RANBP6: variants seen among roughly 807,000 people sequenced by gnomAD.
RANBP6 encodes ran-binding protein 6.
A neutral mutation model predicts 35.3 loss-of-function variants in RANBP6; 10 were observed. The observed-to-expected ratio is 0.28, with a 90% CI of 0.17 to 0.48. The LOEUF (loss-of-function observed/expected upper bound fraction) is 0.48. Among genes scored for constraint, RANBP6 ranks in the 20% least tolerant of loss-of-function variants. The pLI is 0.99. For synonymous variants in RANBP6, 514 were observed against 464.2 expected, an observed-to-expected ratio of 1.11 and a Z score of -1.38; for missense variants, 1,392 against 1,307.7, an observed-to-expected ratio of 1.06 and a Z score of -0.99.
chr9:6,014,904 T>G lies in RANBP6; in HGVS notation c.704A>C (p.Asp235Ala). The part of the protein sequence containing the change: ...LLPGILQAVN[D>A]SCYQDDDSVL... The stretch of plus-strand genomic sequence containing the variant: ...TGAATCATCATCCTGGTAGCATGAG[T>G]CATTCACAGCCTGTAAGATTCCAGG... The change falls in exon 1 of 1, where the codon GAC (aspartate) becomes GCC (alanine). Residue 235 changes from aspartate (D) to alanine (A), a missense_variant. Transcript: ENST00000259569. 1 of 1,614,088 alleles carries G rather than the reference T, an allele frequency of 6.2e-7. No homozygotes were observed.
Position 6,015,583 on chromosome 9 carries a change from C to A in RANBP6, c.25G>T (p.Val9Leu). 2 of 1,600,656 alleles carry A rather than the reference C, an allele frequency of 1.2e-6. No individual in the cohort carries two copies. The highest frequency in any genetic ancestry group is 1.7e-6 in the Non-Finnish European group (2 of 1,178,312). MAATASAG[V>L]PATVSEKQEF... ...TGCTTTTCTGACACGGTCGCCGGCA[C>A]CCCTGCAGACGCGGTTGCCGCCATT... Residue 9 changes from valine (V) to leucine (L), a missense_variant, in exon 1 of 1, where the codon GTG becomes TTG. Transcript: ENST00000259569.
chr9:6,015,461 C>T lies in RANBP6; in HGVS notation c.147G>A (p.Lys49=). 2.5e-6 allele frequency: 4 copies of T among 1,614,192 alleles called. No homozygotes were observed. The highest frequency in any genetic ancestry group is 1.3e-5 in the African/African-American group (1 of 75,058). Residue 49 remains lysine, a synonymous_variant, in exon 1 of 1, where the codon AAG becomes AAA. Coordinates refer to ENST00000259569, the MANE Select transcript of RANBP6 (RefSeq NM_012416.4). ...TGACGGCATCTAAGAGGAAGGTAGT[C>T]TTACACAGACCTGGGATATTTTCAT... The part of the protein sequence containing the change: ...EIYENIPGLC[K]TTFLLDAVRN...
chr9:6,013,913 A>C lies in RANBP6; in HGVS notation c.1695T>G (p.Thr565=). 1.2e-6 allele frequency: 2 copies of C among 1,614,036 alleles called. No individual in the cohort carries two copies. Among genetic ancestry groups the C allele is most frequent in the Non-Finnish European group, 8.5e-7 (1 of 1,180,018 alleles). ...QKELKLLRGK[T]IECISHIGLA... ...GACCAATATGGCTAATGCACTCGAT[A>C]GTTTTTCCTCTCAGAAGCTTGAGTT... The change falls in exon 1 of 1, where the codon ACT becomes ACG. Residue 565 remains threonine, a synonymous_variant. Transcript: ENST00000259569.
chr9:6,014,374 C>G lies in RANBP6; in HGVS notation c.1234G>C (p.Val412Leu). Reference protein sequence around the residue: ...ESILDETVNSVLLFLQDPHPR... With the variant: ...ESILDETVNSLLLFLQDPHPR... ...TGAGGATCCTGAAGAAAAAGCAAAA[C>G]GGAGTTAACTGTTTCATCTAGAATT... The change falls in exon 1 of 1, where the codon GTT becomes CTT. Residue 412 changes from valine to leucine, a missense_variant. By Grantham distance (32) the Val-to-Leu change is conservative (BLOSUM62 1). Coordinates refer to ENST00000259569, the MANE Select transcript of RANBP6 (RefSeq NM_012416.4). 6.2e-7 allele frequency: 1 copy of G among 1,613,738 alleles called. No individual in the cohort carries two copies.
Position 6,012,167 on chromosome 9 carries a change from GAGA to G in RANBP6, c.*120_*122del, listed in dbSNP as rs1221023573. On this transcript the variant is annotated 3_prime_UTR_variant, in exon 1 of 1. Coordinates refer to ENST00000259569, the MANE Select transcript of RANBP6 (RefSeq NM_012416.4). ...CACTGATTAATTCTGGAGAAACATG[GAGA>G]AGAACTATAAACTGCTTAGCAGGGA... 1.1e-5 allele frequency: 8 copies of G among 706,666 alleles called. No homozygotes were observed. In the Admixed American group the frequency reaches 2.8e-4, roughly 25 times the overall value. 43.8% of individuals were successfully genotyped at this position (706,666 alleles called of 1,614,324 possible).
At position 6,014,331 on chromosome 9, in the gene RANBP6, G is replaced by A. The variant is rs1371642647; in HGVS notation, c.1277C>T (p.Ala426Val). 6.2e-7 allele frequency: 1 copy of A among 1,614,150 alleles called. No homozygotes were observed. The highest frequency in any genetic ancestry group is 1.1e-5 in the South Asian group (1 of 91,082). ...LQDPHPRVRA[A>V]ACTTLGQMAT... is the part of the protein sequence containing the mutation. ...CATCTGTCCAAGTGTAGTACAGGCT[G>A]CAGCCCTCACCCTTGGATGAGGATC... The change falls in exon 1 of 1, where the codon GCA becomes GTA. Residue 426 changes from alanine to valine, a missense_variant. Physicochemically the swap from Ala to Val is moderately conservative, Grantham distance 64 (BLOSUM62 0). Transcript: ENST00000259569.
rs774688843 is a variant in RANBP6, at chr9:6,013,362, T to C, written c.2246A>G (p.Tyr749Cys). ...LECARIRGPE[Y>C]LAQMWQFICD... ...TATGAATTGCCACATCTGTGCAAGA[T>C]ACTCTGGGCCACGAATTCTTGCACA... is the stretch of plus-strand genomic sequence containing the variant. The change falls in exon 1 of 1, where the codon TAT (tyrosine) becomes TGT (cysteine). Residue 749 changes from tyrosine to cysteine, a missense_variant. Coordinates refer to ENST00000259569, the MANE Select transcript of RANBP6 (RefSeq NM_012416.4). 61 of 1,614,186 alleles carry C rather than the reference T, an allele frequency of 3.8e-5. No homozygotes were observed. The highest frequency in any genetic ancestry group is 5.2e-5 in the Non-Finnish European group (61 of 1,180,010).
Position 6,014,096 on chromosome 9 carries a change from T to C in RANBP6, c.1512A>G (p.Lys504=), listed in dbSNP as rs750340691. Residue 504 remains lysine, a synonymous_variant, in exon 1 of 1, where the codon AAA becomes AAG. Coordinates refer to ENST00000259569, the MANE Select transcript of RANBP6 (RefSeq NM_012416.4). The part of the protein sequence containing the change: ...VKNLHSVLVI[K]LQELIRNGTK... ...TTCCATTCCGAATCAACTCTTGAAG[T>C]TTAATCACCAAGACGGAATGTAGAT... 13 of 1,613,916 alleles carry C rather than the reference T, an allele frequency of 8.1e-6. No homozygotes were observed. The highest frequency in any genetic ancestry group is 1.3e-5 in the African/African-American group (1 of 74,912).
chr9:6,014,548 G>C lies in RANBP6; in HGVS notation c.1060C>G (p.Leu354Val), dbSNP rs997124608. 5.0e-6 allele frequency: 8 copies of C among 1,614,046 alleles called. No individual in the cohort carries two copies. In the African/African-American group the frequency reaches 9.3e-5, roughly 19 times the overall value. ...AVAAESALDR[L>V]ACGLGGKVVL... ...ACTTTTCCACCAAGCCCACAAGCCA[G>C]TCTGTCTAGTGCACTCTCCGCAGCA... The change falls in exon 1 of 1, where the codon CTG (leucine) becomes GTG (valine). Residue 354 changes from leucine to valine, a missense_variant. Coordinates refer to ENST00000259569, the MANE Select transcript of RANBP6 (RefSeq NM_012416.4).
In RANBP6 at chr9:6,015,389, C is replaced by T. The variant is rs1176218939; in HGVS notation, c.219G>A (p.Leu73=). The T allele has an allele frequency of 1.2e-6, 2 of 1,614,070 alleles. No individual in the cohort carries two copies. Among genetic ancestry groups the T allele is most frequent in the African/African-American group, 2.7e-5 (2 of 74,934 alleles). Residue 73 remains leucine, a synonymous_variant, in exon 1 of 1, where the codon CTG becomes CTA. Transcript: ENST00000259569. ...GYEVRQMAAA[L]LRRLLSSGFE... is the part of the protein sequence containing the mutation. ...ACCCAGAGGACAAAAGCCGTCGTAGCAGTGCGGCAGCCATTTGTCTCACCT... is the reference window on the plus strand; with the variant it reads ...ACCCAGAGGACAAAAGCCGTCGTAGTAGTGCGGCAGCCATTTGTCTCACCT...
chr9:6,014,160 T>G lies in RANBP6; in HGVS notation c.1448A>C (p.Lys483Thr). ...ATCCACATATAGAACTAGCAATGAT[T>G]TAGGGCAGTCTTCAATAAAAATAAT... is the stretch of plus-strand genomic sequence containing the variant. ...ALIIFIEDCP[K>T]SLLVLYVDSM... Residue 483 changes from lysine to threonine, a missense_variant, in exon 1 of 1, where the codon AAA becomes ACA. Transcript: ENST00000259569. 1 of 1,613,938 alleles carries G rather than the reference T, an allele frequency of 6.2e-7. No homozygotes were observed. Among genetic ancestry groups the G allele is most frequent in the Non-Finnish European group, 8.5e-7 (1 of 1,179,996 alleles).
chr9:6,014,378 G>C lies in RANBP6; in HGVS notation c.1230C>G (p.Asn410Lys). 6.2e-7 allele frequency: 1 copy of C among 1,613,932 alleles called. No individual in the cohort carries two copies. The highest frequency in any genetic ancestry group is 8.5e-7 in the Non-Finnish European group (1 of 1,179,804). Residue 410 changes from asparagine (N) to lysine (K), a missense_variant, in exon 1 of 1, where the codon AAC becomes AAG. Coordinates refer to ENST00000259569, the MANE Select transcript of RANBP6 (RefSeq NM_012416.4). Reference protein sequence around the residue: ...QMESILDETVNSVLLFLQDPH... With the variant: ...QMESILDETVKSVLLFLQDPH... The stretch of plus-strand genomic sequence containing the variant: ...GATCCTGAAGAAAAAGCAAAACGGA[G>C]TTAACTGTTTCATCTAGAATTGATT...
chr9:6,013,832 C>A lies in RANBP6; in HGVS notation c.1776G>T (p.Leu592Phe). Residue 592 changes from leucine to phenylalanine, a missense_variant, in exon 1 of 1, where the codon TTG becomes TTT. By Grantham distance (22) the Leu-to-Phe change is conservative (BLOSUM62 0). Transcript: ENST00000259569. ...MQDASNVMQL[L>F]LKTQSDLNNM... Reference sequence around the variant, plus strand: ...TATTTAAGTCTGATTGTGTCTTCAACAACAGCTGCATCACATTTGATGCAT... The same window carrying A: ...TATTTAAGTCTGATTGTGTCTTCAAAAACAGCTGCATCACATTTGATGCAT... 1 of 1,614,018 alleles carries A rather than the reference C, an allele frequency of 6.2e-7. No homozygotes were observed. Among genetic ancestry groups the A allele is most frequent in the Non-Finnish European group, 8.5e-7 (1 of 1,180,016 alleles).
At position 6,012,954 on chromosome 9, in the gene RANBP6, G is replaced by C. The variant is rs1842501594; in HGVS notation, c.2654C>G (p.Pro885Arg). The change falls in exon 1 of 1, where the codon CCA becomes CGA. Residue 885 changes from proline (P) to arginine (R), a missense_variant. Physicochemically the swap from Pro to Arg is moderately radical, Grantham distance 103. Coordinates refer to ENST00000259569, the MANE Select transcript of RANBP6 (RefSeq NM_012416.4). ...LIVNLICSSR[P>R]WPDRQWGLCI... ...CAATCCCCACTGTCTGTCTGGCCATGGCCTACTTGAACAAATTAGATTTAC... is the reference window on the plus strand; with the variant it reads ...CAATCCCCACTGTCTGTCTGGCCATCGCCTACTTGAACAAATTAGATTTAC... The C allele has an allele frequency of 6.2e-7, 1 of 1,613,968 alleles. No individual in the cohort carries two copies. The highest frequency in any genetic ancestry group is 8.5e-7 in the Non-Finnish European group (1 of 1,180,008).
In RANBP6 at chr9:6,011,966, C is replaced by T. The variant is rs1842479632; in HGVS notation, c.*324G>A. On this transcript the variant is annotated 3_prime_UTR_variant, in exon 1 of 1. Coordinates refer to ENST00000259569, the MANE Select transcript of RANBP6 (RefSeq NM_012416.4). ...ATATTGTGATAGCATGACATCTTCA[C>T]ATCAAGTATACTGCTTGGCTAGCAT... The T allele has an allele frequency of 1.1e-5, 2 of 180,014 alleles. No homozygotes were observed. Among genetic ancestry groups the T allele is most frequent in the Non-Finnish European group, 2.3e-5 (2 of 86,748 alleles). 11.2% of individuals were successfully genotyped at this position (180,014 alleles called of 1,614,324 possible).
chr9:6,011,468 C>G lies in RANBP6; in HGVS notation c.*822G>C, dbSNP rs948940216. The G allele has an allele frequency of 2.6e-5, 4 of 152,134 alleles. No individual in the cohort carries two copies. The highest frequency in any genetic ancestry group is 9.7e-5 in the African/African-American group (4 of 41,430). The allele number at this position is 152,134 out of a possible 1,614,324, so 9.4% of individuals were successfully genotyped here. A position where few individuals can be genotyped will look rare whatever the true frequency, so the allele number is the denominator to read the frequency against. On this transcript the variant is annotated 3_prime_UTR_variant, in exon 1 of 1. Coordinates refer to ENST00000259569, the MANE Select transcript of RANBP6 (RefSeq NM_012416.4). Reference sequence around the variant, plus strand: ...CTTTTTCTCTTGTTGAGCTGCTTTGCAGGGAGAAAATGGCATACATATACA... The same window carrying G: ...CTTTTTCTCTTGTTGAGCTGCTTTGGAGGGAGAAAATGGCATACATATACA...
chr9:6,013,402 G>C lies in RANBP6; in HGVS notation c.2206C>G (p.Pro736Ala), dbSNP rs1293141416. The change falls in exon 1 of 1, where the codon CCT (proline) becomes GCT (alanine). Residue 736 changes from proline to alanine, a missense_variant. Transcript: ENST00000259569. ...NVRVAAAESM[P>A]FLLECARIRG... ...ATTCTTGCACATTCCAGGAGAAAAG[G>C]CATGGACTCTGCTGCTGCCACTCGA... 6.2e-7 allele frequency: 1 copy of C among 1,614,098 alleles called. No homozygotes were observed. Among genetic ancestry groups the C allele is most frequent in the Admixed American group, 1.7e-5 (1 of 60,006 alleles).
In RANBP6 at chr9:6,015,588, G is replaced by T. The variant is rs766313136; in HGVS notation, c.20C>A (p.Ala7Glu). MAATAS[A>E]GVPATVSEKQ... ...TTCTGACACGGTCGCCGGCACCCCT[G>T]CAGACGCGGTTGCCGCCATTGCGCT... The change falls in exon 1 of 1, where the codon GCA becomes GAA. Residue 7 changes from alanine (A) to glutamate (E), a missense_variant. Coordinates refer to ENST00000259569, the MANE Select transcript of RANBP6 (RefSeq NM_012416.4). The T allele has an allele frequency of 1.0e-5, 16 of 1,598,490 alleles. No individual in the cohort carries two copies. The highest frequency in any genetic ancestry group is 1.4e-5 in the Non-Finnish European group (16 of 1,177,586).
chr9:6,015,279 T>C lies in RANBP6; in HGVS notation c.329A>G (p.His110Arg), dbSNP rs770153233. ...ACAAAGTTTTTTCCTCATGCTAGCA[T>C]GTGTTTCTAACTTAACAGCCAGAAT... ...ELILAVKLET[H>R]ASMRKKLCDI... Residue 110 changes from histidine (H) to arginine (R), a missense_variant, in exon 1 of 1, where the codon CAT becomes CGT. Transcript: ENST00000259569. 3.1e-6 allele frequency: 5 copies of C among 1,614,240 alleles called. No individual in the cohort carries two copies. Among genetic ancestry groups the C allele is most frequent in the Non-Finnish European group, 4.2e-6 (5 of 1,180,044 alleles).
Sources: gnomAD v4.1 joint callset for allele counts on GRCh38, gnomAD v4.1.1 for gene constraint, MANE v1.5 for transcripts, NCBI Gene and HGNC (gene_info 2026-07-23, HGNC 2026-07-21) for gene names.